CRIM1: variants seen among roughly 807,000 people sequenced by gnomAD.
CRIM1 encodes cysteine rich transmembrane BMP regulator 1, also known as cysteine-rich motor neuron 1 protein.
CRIM1 carries 32 observed loss-of-function variants against 116.4 expected under a neutral mutation model. The observed-to-expected ratio is 0.27, with a 90% CI of 0.21 to 0.37. CRIM1 has a LOEUF of 0.37. CRIM1 is among the 10% of genes least tolerant of loss of function. CRIM1 has a pLI of 1.00. For missense variants in CRIM1, 1,331 were observed against 1,354.8 expected (o/e 0.98, Z 0.28); for synonymous variants, 590 against 509.2 (o/e 1.16, Z -2.13).
chr2:36,411,541 G>A (rs1291724373), intron 2 of CRIM1, among the ~76,000 whole-genome samples: 1 of 152,118 alleles, frequency 6.6e-6, no homozygotes, highest in Non-Finnish European at 1.5e-5. Context: ...ATACAAATAT[G>A]TCCCATGTGC....
At chr2:36,524,166 A>C (rs1665595899) in intron 13 of CRIM1, among the ~76,000 whole-genome samples, 3 of 152,222 alleles carry the variant, frequency 2.0e-5, no homozygotes, top group Non-Finnish European at 2.9e-5. Context: ...GGAGTGTCCC[A>C]AGCAAACTGG....
chr2:36,382,022 C>A (rs1472091271), intron 1 of CRIM1, among the ~76,000 whole-genome samples: 1 of 152,094 alleles, frequency 6.6e-6, no homozygotes. Flanking sequence ...AAAGAGGTTT[C>A]CAGAAAAACC....
intron 1 of CRIM1, among the ~76,000 whole-genome samples, chr2:36,370,009 T>A (rs1446903847): frequency 6.6e-6 from 1 of 152,228 alleles, no homozygotes; most frequent in Non-Finnish European, 1.5e-5. Context: ...TAGTATCTAC[T>A]CTGTAGATCA....
At chr2:36,488,827 G>A (rs1259936056) in intron 7 of CRIM1, among the ~76,000 whole-genome samples, 6 of 152,136 alleles carry the variant, frequency 3.9e-5, no homozygotes, top group Non-Finnish European at 5.9e-5. Context: ...CAGCAGCCTA[G>A]TGAAACACAA....
chr2:36,433,701 T>C (rs1253260394), intron 2 of CRIM1, among the ~76,000 whole-genome samples: 2 of 152,206 alleles, frequency 1.3e-5, no homozygotes, highest in African/African-American at 2.4e-5. Flanking sequence ...TTGTGAGTGA[T>C]TTTAATGCAC....
chr2:36,422,167 A>G (rs1306121321), intron 2 of CRIM1, among the ~76,000 whole-genome samples: 1 of 150,724 alleles, frequency 6.6e-6, no homozygotes, highest in African/African-American at 2.4e-5. Flanking sequence ...TATTGATGTG[A>G]ATTTATAAGT....
intron 1 of CRIM1, among the ~76,000 whole-genome samples, chr2:36,379,663 A>G (rs1416652504): frequency 6.6e-6 from 1 of 151,996 alleles, no homozygotes; most frequent in Non-Finnish European, 1.5e-5. Context: ...GGTCTTAGTA[A>G]ATGAGTGTTC....
chr2:36,409,077 G>A (rs1361775283), intron 2 of CRIM1, among the ~76,000 whole-genome samples: 2 of 151,776 alleles, frequency 1.3e-5, no homozygotes, highest in African/African-American at 4.8e-5. Context: ...TTTGCTAATG[G>A]GAGGAAGCAG....
At chr2:36,540,424 G>C (rs2125176372) in intron 14 of CRIM1, among the ~76,000 whole-genome samples, 1 of 152,300 alleles carries the variant, frequency 6.6e-6, no homozygotes, top group African/African-American at 2.4e-5. Flanking sequence ...ACAGAGAAAG[G>C]ACATGAGCTA....
chr2:36,496,535 G>A (rs1364610182), intron 7 of CRIM1, among the ~76,000 whole-genome samples: 3 of 152,142 alleles, frequency 2.0e-5, no homozygotes, highest in Non-Finnish European at 4.4e-5. Flanking sequence ...ACAGCGTTGA[G>A]GCTTGGAAGG....
At chr2:36,445,982 A>T (rs1048366056) in intron 4 of CRIM1, among the ~76,000 whole-genome samples, 5 of 152,244 alleles carry the variant, frequency 3.3e-5, no homozygotes, top group Non-Finnish European at 5.9e-5. Flanking sequence ...GAGCATTGTT[A>T]AGAAATTAGA....
chr2:36,506,255 G>A (rs1435002944), intron 8 of CRIM1, among the ~76,000 whole-genome samples: 3 of 150,590 alleles, frequency 2.0e-5, no homozygotes, highest in South Asian at 2.1e-4. Flanking sequence ...TTCACCTAAC[G>A]TGCACATCTT....
At chr2:36,384,971 C>T (rs1249254996) in intron 1 of CRIM1, among the ~76,000 whole-genome samples, 15 of 151,852 alleles carry the variant, frequency 9.9e-5, no homozygotes, top group African/African-American at 1.5e-4. Flanking sequence ...GTATGCCGTA[C>T]ATATGAAGCA....
intron 2 of CRIM1, among the ~76,000 whole-genome samples, chr2:36,407,336 C>T (rs947877995): frequency 1.3e-5 from 2 of 151,922 alleles, no homozygotes; most frequent in East Asian, 1.9e-4. Flanking sequence ...TAAATTCTAG[C>T]GATGTCATTG....
chr2:36,361,318 T>G (rs900041590), intron 1 of CRIM1, among the ~76,000 whole-genome samples: 2 of 152,152 alleles, frequency 1.3e-5, no homozygotes, highest in Admixed American at 6.5e-5. Context: ...AGCAGTCAGA[T>G]TAATATATGA....
At chr2:36,494,393 A>G (rs755217503) in intron 7 of CRIM1, among the ~76,000 whole-genome samples, 1 of 152,182 alleles carries the variant, frequency 6.6e-6, no homozygotes, top group Non-Finnish European at 1.5e-5. Context: ...TAGGTTATGA[A>G]AGAAGTAACC....
chr2:36,544,864 C>G (rs1667207505), intron 15 of CRIM1, among the ~76,000 whole-genome samples: 1 of 152,204 alleles, frequency 6.6e-6, no homozygotes, highest in African/African-American at 2.4e-5. Context: ...GAATTAGTCA[C>G]TGTCTCTTGT....
chr2:36,388,755 TATC>T (rs1173789666), intron 1 of CRIM1, among the ~76,000 whole-genome samples: 1 of 124,884 alleles, frequency 8.0e-6, no homozygotes, highest in Non-Finnish European at 1.7e-5. Flanking sequence ...CTCCTGTCCT[TATC>T]ATTTCTTGTT....
At position 36,529,611 on chromosome 2, in the gene CRIM1, C is replaced by T. The variant is rs75956789; in HGVS notation, c.2428+7298C>T. The T allele has an allele frequency of 9.4e-3, 1,573 of 166,572 alleles. 31 individuals are homozygous for T. Among genetic ancestry groups the T allele is most frequent in the African/African-American group, 0.036 (1,517 of 42,012 alleles). The allele number at this position is 166,572 out of a possible 1,614,324, so 10.3% of individuals were successfully genotyped here. A position where few individuals can be genotyped will look rare whatever the true frequency, so the allele number is the denominator to read the frequency against. ...GTTGAAAATAAAATGTTTCCTTCAA[C>T]AACTATCCATGAAGTGCTTAATCAA... is the stretch of plus-strand genomic sequence containing the variant. On this transcript the variant is annotated intron_variant, in intron 13 of 16. Coordinates refer to ENST00000280527, the MANE Select transcript of CRIM1 (RefSeq NM_016441.3).
Sources: allele counts gnomAD v4.1 joint callset (sites outside exome capture counted in the v4.1 genomes callset), GRCh38; gene constraint gnomAD v4.1.1; transcripts MANE v1.5; gene names NCBI Gene and HGNC (gene_info 2026-07-23, HGNC 2026-07-21).